TRIM66: variants seen among roughly 807,000 people sequenced by gnomAD.
The protein encoded by TRIM66 is tripartite motif-containing protein 66.
In TRIM66, 99 loss-of-function variants were observed where a neutral mutation model predicts 148.2. The ratio of observed to expected loss-of-function variants is 0.67; its 90% CI spans 0.57 to 0.79. The LOEUF is 0.79. Among genes scored for constraint, TRIM66 ranks in the 30% least tolerant of loss-of-function variants. The pLI is 0.00. For missense variants in TRIM66, 1,666 were observed against 1,697.9 expected (o/e 0.98, Z 0.33); for synonymous variants, 616 against 635.9 (o/e 0.97, Z 0.47).
chr11:8,676,577 A>G (rs1170019241), intron 3 of TRIM66, among the ~76,000 whole-genome samples: 2 of 152,216 alleles, frequency 1.3e-5, no homozygotes, highest in African/African-American at 2.4e-5. Context: ...ATATAAAGAA[A>G]CAGGCATCTC....
intron 6 of TRIM66, among the ~76,000 whole-genome samples, chr11:8,669,284 T>C (rs887186047): frequency 2.0e-5 from 3 of 152,222 alleles, no homozygotes; most frequent in Non-Finnish European, 2.9e-5. Flanking sequence ...CCATCCTTCA[T>C]ACTGTCAATA....
chr11:8,647,917 G>A (rs914050749), intron 10 of TRIM66, 53 bp downstream of exon 10: 1 of 1,390,730 alleles, frequency 7.2e-7, no homozygotes, highest in Non-Finnish European at 1.0e-6. Flanking sequence ...TGGAACCCTG[G>A]GTGTGCGGGA....
At chr11:8,682,934 C>T, upstream of TRIM66, 1 of 1,357,018 alleles carries the variant, frequency 7.4e-7, no homozygotes, top group Non-Finnish European at 1.0e-6. Flanking sequence ...TGCGCATGGC[C>T]GCCTGCGGGG....
At chr11:8,648,154 GA>G (rs1035290876) in intron 9 of TRIM66, 68 bp from the exon 10 acceptor site, 3 of 1,357,508 alleles carry the variant, frequency 2.2e-6, no homozygotes, top group Non-Finnish European at 3.1e-6. Flanking sequence ...AACCAAGCGG[GA>G]ATCTCCACAG....
intron 6 of TRIM66, among the ~76,000 whole-genome samples, chr11:8,666,966 G>A (rs767724297): frequency 6.6e-6 from 1 of 151,970 alleles, no homozygotes; most frequent in Non-Finnish European, 1.5e-5. Context: ...ACTGGTACCT[G>A]CCAACACACC....
intron 12 of TRIM66, chr11:8,644,288 T>C (rs1186092621): frequency 5.4e-6 from 2 of 367,100 alleles, no homozygotes; most frequent in Non-Finnish European, 1.1e-5. Context: ...CTTCAGTGAT[T>C]ATGAATTTCA....
chr11:8,653,102 A>T (rs761457945), intron 6 of TRIM66, among the ~76,000 whole-genome samples: 28 of 152,246 alleles, frequency 1.8e-4, no homozygotes, highest in Non-Finnish European at 2.9e-5. Context: ...GTAATGCAAT[A>T]AACTCAATTA....
Position 8,628,879 on chromosome 11 carries a change from T to A in TRIM66, c.2311-3651A>T, listed in dbSNP as rs2035126913. On this transcript the variant is annotated intron_variant, in intron 15 of 24. Transcript: ENST00000646038. ...TCTTTCCCTTATAATTTAACTGCTTTAGTAAGGCTTATATTTTCTATTCTT... is the reference window on the plus strand; with the variant it reads ...TCTTTCCCTTATAATTTAACTGCTTAAGTAAGGCTTATATTTTCTATTCTT... 2.0e-5 allele frequency among the ~76,000 whole-genome samples: 3 copies of A among 152,284 alleles called. No individual in the cohort carries two copies. In the South Asian group the frequency reaches 6.2e-4, roughly 32 times the overall value.
chr11:8,643,225 T>C (rs889922282), intron 12 of TRIM66, 99 bp from the exon 13 acceptor site: 3 of 994,176 alleles, frequency 3.0e-6, no homozygotes, highest in Non-Finnish European at 4.4e-6. Context: ...CTCAAAGTCA[T>C]GGCCCTTTAA....
At chr11:8,663,541 C>T (rs1350893147) in intron 6 of TRIM66, among the ~76,000 whole-genome samples, 1 of 152,110 alleles carries the variant, frequency 6.6e-6, no homozygotes, top group Non-Finnish European at 1.5e-5. Context: ...CTCTCTCTTC[C>T]CCCTGCCCCC....
chr11:8,682,660 G>A lies in TRIM66; in HGVS notation c.-607C>T, dbSNP rs1255248400. 9.6e-6 allele frequency: 8 copies of A among 832,210 alleles called. No homozygotes were observed. The highest frequency in any genetic ancestry group is 2.8e-5 in the South Asian group (2 of 71,814). The allele number at this position is 832,210 out of a possible 1,614,324, so 51.6% of individuals were successfully genotyped here. A position where few individuals can be genotyped will look rare whatever the true frequency, so the allele number is the denominator to read the frequency against. On this transcript the variant is annotated 5_prime_UTR_variant, in exon 1 of 25. Coordinates refer to ENST00000646038, the MANE Select transcript of TRIM66 (RefSeq NM_001388022.1). Reference sequence around the variant, plus strand: ...TGGGGGATCACCACCCTCAGAAAGAGGAAGCGACTAGCAGGCGCGCAATCC... The same window carrying A: ...TGGGGGATCACCACCCTCAGAAAGAAGAAGCGACTAGCAGGCGCGCAATCC...
At chr11:8,666,802 T>TC (rs1361243690) in intron 6 of TRIM66, among the ~76,000 whole-genome samples, 2 of 152,200 alleles carry the variant, frequency 1.3e-5, no homozygotes, top group Admixed American at 6.5e-5. Flanking sequence ...ATACTATGAT[T>TC]CAGGTAATTG....
chr11:8,622,810 T>C lies in TRIM66; in HGVS notation c.3080+6A>G. 2 of 1,551,852 alleles carry C rather than the reference T, an allele frequency of 1.3e-6. No homozygotes were observed. Among genetic ancestry groups the C allele is most frequent in the Non-Finnish European group, 1.7e-6 (2 of 1,146,938 alleles). On this transcript the variant is annotated splice_donor_region_variant and intron_variant, in intron 18 of 24. Coordinates refer to ENST00000646038, the MANE Select transcript of TRIM66 (RefSeq NM_001388022.1). ...GTGGGAGGGAGATTAGCCAGAAGGC[T>C]GTTACCTGATGCTCTGGTTCTCTTT... is the stretch of plus-strand genomic sequence containing the variant.
rs375372577 is a variant in TRIM66, at chr11:8,645,281, C to T, written c.1104+460G>A. Among the ~76,000 whole-genome samples, 5 of 152,282 alleles carry T rather than the reference C, an allele frequency of 3.3e-5. No homozygotes were observed. The East Asian group carries it at 7.7e-4, about 24-fold the overall frequency. On this transcript the variant is annotated intron_variant, in intron 12 of 24. Transcript: ENST00000646038. Reference sequence around the variant, plus strand: ...CAAAGTATTCAAATATAAACTCCATCGACTTCTCTCAAAATTCTTGCTCCC... The same window carrying T: ...CAAAGTATTCAAATATAAACTCCATTGACTTCTCTCAAAATTCTTGCTCCC...
In TRIM66 at chr11:8,622,363, CACAT is replaced by C. The variant is rs1192808898; in HGVS notation, c.3080+449_3080+452del. On this transcript the variant is annotated intron_variant, in intron 18 of 24. Coordinates refer to ENST00000646038, the MANE Select transcript of TRIM66 (RefSeq NM_001388022.1). Reference sequence around the variant, plus strand: ...CAACACACACACACACACACACACACACATATATATATATATATATCTCCTACTT... The same window carrying C: ...CAACACACACACACACACACACACACATATATATATATATATCTCCTACTT... Among the ~76,000 whole-genome samples the C allele has an allele frequency of 4.0e-4, 22 of 55,396 alleles. 1 individual carries two copies. In the East Asian group the frequency reaches 8.0e-3, roughly 20 times the overall value. The allele number at this position is 55,396 out of a possible 152,430, so 36.3% of individuals were successfully genotyped here.
At chr11:8,632,324 A>G (rs1250153400) in intron 15 of TRIM66, among the ~76,000 whole-genome samples, 1 of 152,108 alleles carries the variant, frequency 6.6e-6, no homozygotes, top group African/African-American at 2.4e-5. Flanking sequence ...TAAATAAATA[A>G]ATAAATAAAG....
Position 8,671,818 on chromosome 11 carries a change from T to C in TRIM66, c.308A>G (p.Gln103Arg). The C allele has an allele frequency of 2.0e-6, 3 of 1,509,596 alleles. No homozygotes were observed. The allele number at this position is 1,509,596 out of a possible 1,614,324, so 93.5% of individuals were successfully genotyped here. A position where few individuals can be genotyped will look rare whatever the true frequency, so the allele number is the denominator to read the frequency against. The change falls in exon 6 of 25, where the codon CAG becomes CGG. Residue 103 changes from glutamine (Q) to arginine (R), a missense_variant. Physicochemically the swap from Gln to Arg is conservative, Grantham distance 43. Transcript: ENST00000646038. ...AACAGTCTCATGAGCCTTGGCAATC[T>C]GCCCTAGCTCCTGTATCAAGCCCTG... Reference protein sequence around the residue: ...CFQGLIQELGQIAKAHETVAD... With the variant: ...CFQGLIQELGRIAKAHETVAD...
intron 3 of TRIM66, among the ~76,000 whole-genome samples, chr11:8,678,421 A>T (rs538823990): frequency 6.6e-6 from 1 of 152,376 alleles, no homozygotes; most frequent in Non-Finnish European, 1.5e-5. Context: ...TTTGTATACT[A>T]TGATCACTAA....
chr11:8,632,880 TATG>T (rs1238652440), intron 15 of TRIM66, among the ~76,000 whole-genome samples: 4 of 152,194 alleles, frequency 2.6e-5, no homozygotes, highest in Non-Finnish European at 5.9e-5. Flanking sequence ...TATGCAGATA[TATG>T]ATAACTTAGT....
Sources: allele counts gnomAD v4.1 joint callset (sites outside exome capture counted in the v4.1 genomes callset), GRCh38; gene constraint gnomAD v4.1.1; transcripts MANE v1.5; gene names NCBI Gene and HGNC (gene_info 2026-07-23, HGNC 2026-07-21).